The following AP3M1 variants were observed in gnomAD, a reference collection of about 807,000 sequenced individuals.
The protein encoded by AP3M1 is adaptor related protein complex 3 subunit mu 1, also known as AP-3 complex subunit mu-1.
AP3M1 carries 29 observed loss-of-function variants against 42.6 expected under a neutral mutation model. That is an observed-to-expected ratio of 0.68 (90% CI 0.51 to 0.93). The LOEUF is 0.93. AP3M1 is among the 40% of genes least tolerant of loss of function. AP3M1 has a pLI of 0.00. For synonymous variants in AP3M1, 178 were observed against 175.3 expected, an observed-to-expected ratio of 1.02 and a Z score of -0.12; for missense variants, 416 against 510.2, an observed-to-expected ratio of 0.82 and a Z score of 1.78.
intron 1 of AP3M1, among the ~76,000 whole-genome samples, chr10:74,149,289 T>G (rs1468138964): frequency 5.7e-5 from 6 of 104,444 alleles, no homozygotes; most frequent in Admixed American, 1.9e-4. Flanking sequence ...TTTTTTTTTT[T>G]TTTTTTTTTT....
intron 4 of AP3M1, 96 bp downstream of exon 4, chr10:74,133,931 G>C: frequency 6.7e-7 from 1 of 1,487,852 alleles, no homozygotes; most frequent in Non-Finnish European, 9.1e-7. Context: ...GGGATTACAG[G>C]CGTGAGCCAC....
chr10:74,144,124 G>A (rs537841356), intron 1 of AP3M1, among the ~76,000 whole-genome samples: 1 of 152,160 alleles, frequency 6.6e-6, no homozygotes, highest in Admixed American at 6.5e-5. Flanking sequence ...ACCACGCCTG[G>A]CTAATTTTTT....
chr10:74,145,930 A>G (rs1377319214), intron 1 of AP3M1, among the ~76,000 whole-genome samples: 1 of 152,232 alleles, frequency 6.6e-6, no homozygotes, highest in Admixed American at 6.5e-5. Flanking sequence ...ACTTGAGAGA[A>G]TGAGACCAGA....
intron 6 of AP3M1, among the ~76,000 whole-genome samples, chr10:74,127,959 G>T (rs1400535666): frequency 2.6e-5 from 4 of 151,406 alleles, no homozygotes; most frequent in Non-Finnish European, 4.4e-5. Context: ...AATTAGCCGG[G>T]TGTGGTGGTG....
intron 1 of AP3M1, among the ~76,000 whole-genome samples, chr10:74,145,365 C>A (rs574826014): frequency 8.5e-5 from 13 of 152,218 alleles, no homozygotes. Context: ...TGTTGTTATC[C>A]TTAGTGCTGA....
At position 74,122,260 on chromosome 10, in the gene AP3M1, C is replaced by T. The variant is rs1840488080; in HGVS notation, c.*1550G>A. 1 of 152,046 alleles carries T rather than the reference C, an allele frequency of 6.6e-6. No homozygotes were observed. The highest frequency in any genetic ancestry group is 2.4e-5 in the African/African-American group (1 of 41,414). The allele number at this position is 152,046 out of a possible 1,614,324, so 9.4% of individuals were successfully genotyped here. A position where few individuals can be genotyped will look rare whatever the true frequency, so the allele number is the denominator to read the frequency against. On this transcript the variant is annotated 3_prime_UTR_variant, in exon 9 of 9. Transcript: ENST00000355264. ...AAACTGCTGAGTGGGCTCCTTGTAC[C>T]AGCACCAACCAGCAGCCCTTGACAG...
intron 4 of AP3M1, among the ~76,000 whole-genome samples, chr10:74,132,537 A>G (rs1299568900): frequency 1.3e-5 from 2 of 151,906 alleles, no homozygotes; most frequent in Non-Finnish European, 2.9e-5. Flanking sequence ...CAAAAAAAAC[A>G]AATAAAAGTT....
intron 1 of AP3M1, among the ~76,000 whole-genome samples, chr10:74,148,836 C>T (rs1189022938): frequency 5.9e-5 from 9 of 151,788 alleles, no homozygotes; most frequent in Non-Finnish European, 1.0e-4. Context: ...GGATTACAGG[C>T]GTGAGCCACC....
At chr10:74,130,732 C>T (rs1840755755) in intron 4 of AP3M1, among the ~76,000 whole-genome samples, 1 of 152,162 alleles carries the variant, frequency 6.6e-6, no homozygotes, top group Admixed American at 6.5e-5. Context: ...TGTGAGCTAC[C>T]ATACCCAGCC....
rs149848413 is a variant in AP3M1, at chr10:74,129,955, A to G, written c.621T>C (p.Asp207=). Residue 207 remains aspartate, a synonymous_variant, in exon 5 of 9, where the codon GAT becomes GAC. Transcript: ENST00000355264. ...GCATTCCAGATAGTTTAATGCAAGCATCAATGACCCCCTGAATTTCTGCAA... is the reference window on the plus strand; with the variant it reads ...GCATTCCAGATAGTTTAATGCAAGCGTCAATGACCCCCTGAATTTCTGCAA... The part of the protein sequence containing the change: ...TVFAEIQGVI[D]ACIKLSGMPD... 7.4e-6 allele frequency: 12 copies of G among 1,613,668 alleles called. No homozygotes were observed. The Middle Eastern group carries it at 5.0e-4, about 67-fold the overall frequency.
intron 4 of AP3M1, among the ~76,000 whole-genome samples, chr10:74,132,771 C>T (rs989600861): frequency 3.3e-5 from 5 of 150,990 alleles, no homozygotes; most frequent in African/African-American, 1.2e-4. Context: ...AAGTACTGCA[C>T]ATAATGTAGT....
At chr10:74,135,140 C>G (rs1195908771) in intron 3 of AP3M1, among the ~76,000 whole-genome samples, 1 of 152,194 alleles carries the variant, frequency 6.6e-6, no homozygotes, top group Non-Finnish European at 1.5e-5. Flanking sequence ...TCAATGTTTG[C>G]TCACTGGCTT....
chr10:74,133,131 A>T (rs1840829963), intron 4 of AP3M1, among the ~76,000 whole-genome samples: 1 of 152,132 alleles, frequency 6.6e-6, no homozygotes, highest in South Asian at 2.1e-4. Flanking sequence ...GCGGTGGCTC[A>T]CGCCTGTAAT....
chr10:74,129,331 T>C (rs1269801431), intron 5 of AP3M1, 90 bp from the exon 6 acceptor site: 1 of 1,384,376 alleles, frequency 7.2e-7, no homozygotes, highest in East Asian at 2.4e-5. Context: ...TCCCTGAAGA[T>C]AAAGCAGTCA....
chr10:74,122,837 C>G lies in AP3M1; in HGVS notation c.*973G>C, dbSNP rs1461566668. On this transcript the variant is annotated 3_prime_UTR_variant, in exon 9 of 9. Coordinates refer to ENST00000355264, the MANE Select transcript of AP3M1 (RefSeq NM_012095.6). ...TTTAAAAAGACTGATGACTGTGAGG[C>G]AGGCACATTTTCCTCCTTTTGCTGA... The G allele has an allele frequency of 2.0e-5, 3 of 152,178 alleles. No individual in the cohort carries two copies. The highest frequency in any genetic ancestry group is 4.4e-5 in the Non-Finnish European group (3 of 68,024). 9.4% of individuals were successfully genotyped at this position (152,178 alleles called of 1,614,324 possible).
At position 74,133,966 on chromosome 10, in the gene AP3M1, T is replaced by G. The variant is rs989988223; in HGVS notation, c.583+61A>C. 6.9e-6 allele frequency: 11 copies of G among 1,591,558 alleles called. No individual in the cohort carries two copies. The Admixed American group carries it at 1.9e-4, about 27-fold the overall frequency. ...CCGCGCCCGGCCAGGACTTCAGTTT[T>G]CTATTCATCTGTGTCAGATGAATTG... On this transcript the variant is annotated intron_variant, in intron 4 of 8. Coordinates refer to ENST00000355264, the MANE Select transcript of AP3M1 (RefSeq NM_012095.6).
intron 1 of AP3M1, among the ~76,000 whole-genome samples, chr10:74,146,039 GAGTTC>G (rs1841315414): frequency 6.6e-6 from 1 of 152,102 alleles, no homozygotes; most frequent in African/African-American, 2.4e-5. Flanking sequence ...AACAAAATTA[GAGTTC>G]CTATACTCAC....
chr10:74,121,477 C>T lies in AP3M1; in HGVS notation c.*2333G>A, dbSNP rs558491207. ...GTGCTTGAAAAATATTTTACTACTA[C>T]TAAGTATTCAGAAATCTTTGTTATC... On this transcript the variant is annotated 3_prime_UTR_variant, in exon 9 of 9. Coordinates refer to ENST00000355264, the MANE Select transcript of AP3M1 (RefSeq NM_012095.6). 1 of 152,348 alleles carries T rather than the reference C, an allele frequency of 6.6e-6. No individual in the cohort carries two copies. The highest frequency in any genetic ancestry group is 2.4e-5 in the African/African-American group (1 of 41,582). 9.4% of individuals were successfully genotyped at this position (152,348 alleles called of 1,614,324 possible).
In AP3M1 at chr10:74,134,131, C is replaced by T. The variant is rs1591750910; in HGVS notation, c.479G>A (p.Gly160Glu). ...ACGCCATGGTATGTTGGACAGCTGCCCGGTGGGGAGTGTGTCCCCAACATT... is the reference window on the plus strand; with the variant it reads ...ACGCCATGGTATGTTGGACAGCTGCTCGGTGGGGAGTGTGTCCCCAACATT... ...SSNVGDTLPT[G>E]QLSNIPWRRA... Residue 160 changes from glycine to glutamate, a missense_variant, in exon 4 of 9, where the codon GGG becomes GAG. By Grantham distance (98) the Gly-to-Glu change is moderately conservative (BLOSUM62 -2). Coordinates refer to ENST00000355264, the MANE Select transcript of AP3M1 (RefSeq NM_012095.6). 1.2e-6 allele frequency: 2 copies of T among 1,614,034 alleles called. No homozygotes were observed. Among genetic ancestry groups the T allele is most frequent in the Non-Finnish European group, 1.7e-6 (2 of 1,179,972 alleles).
Sources: gnomAD v4.1 joint callset for allele counts (sites outside exome capture counted in the v4.1 genomes callset) on GRCh38, gnomAD v4.1.1 for gene constraint, MANE v1.5 for transcripts, NCBI Gene and HGNC (gene_info 2026-07-23, HGNC 2026-07-21) for gene names.